Variants in KCNH7 observed in about 807,000 individuals in gnomAD.
KCNH7 encodes the protein potassium voltage-gated channel subfamily H member 7.
In KCNH7, 49 loss-of-function variants were observed where a neutral mutation model predicts 120.8. The observed-to-expected ratio is 0.41, with a 90% confidence interval of 0.32 to 0.51. The LOEUF is 0.51. Ranked by LOEUF, KCNH7 falls within the 20% of genes least tolerant of loss-of-function variation. KCNH7 has a pLI of 0.38. For synonymous variants in KCNH7, 547 were observed against 516.1 expected, an observed-to-expected ratio of 1.06 and a Z score of -0.81; for missense variants, 1,097 against 1,446.6, an observed-to-expected ratio of 0.76 and a Z score of 3.92.
chr2:162,749,750 C>G (rs1428579485), intron 2 of KCNH7, among the ~76,000 whole-genome samples: 1 of 151,946 alleles, frequency 6.6e-6, no homozygotes, highest in East Asian at 1.9e-4. Context: ...CAATACATCT[C>G]AAGGGCAAAT....
At chr2:162,627,470 G>T (rs1009374017) in intron 2 of KCNH7, among the ~76,000 whole-genome samples, 5 of 152,018 alleles carry the variant, frequency 3.3e-5, no homozygotes, top group Non-Finnish European at 2.9e-5. Flanking sequence ...AAACATTAGA[G>T]GTAACTGAAA....
intron 2 of KCNH7, among the ~76,000 whole-genome samples, chr2:162,761,934 C>G (rs1335509414): frequency 6.6e-6 from 1 of 152,046 alleles, no homozygotes; most frequent in African/African-American, 2.4e-5. Flanking sequence ...TAAGTCTCAA[C>G]TTTTTTCTCC....
chr2:162,466,316 G>T (rs1392801915), intron 6 of KCNH7, among the ~76,000 whole-genome samples: 1 of 152,166 alleles, frequency 6.6e-6, no homozygotes, highest in Non-Finnish European at 1.5e-5. Context: ...AAAAGAAGAG[G>T]TTTAATTCAC....
chr2:162,796,280 CTTGACAAGA>C, intron 2 of KCNH7: 1 of 152,046 alleles, frequency 6.6e-6, no homozygotes, highest in South Asian at 2.1e-4. Context: ...TCAAAGGTCT[CTTGACAAGA>C]TTGAATGTGA....
At chr2:162,416,401 C>A (rs1687543576) in intron 9 of KCNH7, among the ~76,000 whole-genome samples, 1 of 151,394 alleles carries the variant, frequency 6.6e-6, no homozygotes, top group Non-Finnish European at 1.5e-5. Context: ...AAGAATAGCT[C>A]ATAGACAAAA....
At chr2:162,442,962 A>G (rs1208382022) in intron 7 of KCNH7, among the ~76,000 whole-genome samples, 1 of 152,204 alleles carries the variant, frequency 6.6e-6, no homozygotes, top group Non-Finnish European at 1.5e-5. Flanking sequence ...TTATGCATTT[A>G]CTGTGTAGAA....
chr2:162,690,982 G>T (rs1330855642), intron 2 of KCNH7, among the ~76,000 whole-genome samples: 1 of 152,056 alleles, frequency 6.6e-6, no homozygotes, highest in Non-Finnish European at 1.5e-5. Flanking sequence ...ATAAAGATAG[G>T]GAGGAATTTG....
At chr2:162,418,927 C>G (rs753427145) in intron 9 of KCNH7, among the ~76,000 whole-genome samples, 4 of 151,808 alleles carry the variant, frequency 2.6e-5, no homozygotes, top group Non-Finnish European at 4.4e-5. Flanking sequence ...CAGCATCTCA[C>G]TATGATCCTA....
intron 2 of KCNH7, among the ~76,000 whole-genome samples, chr2:162,634,575 C>T (rs764099205): frequency 2.6e-5 from 4 of 152,062 alleles, no homozygotes; most frequent in Non-Finnish European, 4.4e-5. Context: ...CTCCTGCCAA[C>T]CTATCAGGTG....
At chr2:162,729,945 T>C (rs1267924882) in intron 2 of KCNH7, among the ~76,000 whole-genome samples, 1 of 152,058 alleles carries the variant, frequency 6.6e-6, no homozygotes, top group Non-Finnish European at 1.5e-5. Flanking sequence ...AAATCAAGTC[T>C]ATAAAATAAG....
intron 2 of KCNH7, among the ~76,000 whole-genome samples, chr2:162,645,932 C>T (rs1373221311): frequency 6.6e-6 from 1 of 152,142 alleles, no homozygotes; most frequent in African/African-American, 2.4e-5. Flanking sequence ...ACCCTTTTCC[C>T]TGTTGATAAG....
chr2:162,765,195 G>A (rs779396177), intron 2 of KCNH7, among the ~76,000 whole-genome samples: 1 of 152,106 alleles, frequency 6.6e-6, no homozygotes, highest in Middle Eastern at 3.2e-3. Flanking sequence ...TGATTGCAGG[G>A]TGCAGAAAAA....
At chr2:162,674,092 A>C (rs913831675) in intron 2 of KCNH7, among the ~76,000 whole-genome samples, 4 of 151,896 alleles carry the variant, frequency 2.6e-5, no homozygotes, top group African/African-American at 9.7e-5. Context: ...ATTGAAAAAG[A>C]AGAATTTGCA....
chr2:162,716,941 C>T lies in KCNH7; in HGVS notation c.307+119596G>A, dbSNP rs1434994. The stretch of plus-strand genomic sequence containing the variant: ...TGTCTTTAGGGAACATTTAATACTT[C>T]TGTGATTATAGAAAAAATCATTAAA... On this transcript the variant is annotated intron_variant, in intron 2 of 15. Coordinates refer to ENST00000332142, the MANE Select transcript of KCNH7 (RefSeq NM_033272.4). Among the ~76,000 whole-genome samples, 628 of 151,472 alleles carry T rather than the reference C, an allele frequency of 4.1e-3. 4 individuals carry two copies. Among genetic ancestry groups the T allele is most frequent in the African/African-American group, 0.014 (581 of 40,866 alleles).
chr2:162,750,663 G>C (rs983154676), intron 2 of KCNH7, among the ~76,000 whole-genome samples: 1 of 152,066 alleles, frequency 6.6e-6, no homozygotes. Context: ...AAGTTAAAGG[G>C]TAAGTTAATA....
intron 2 of KCNH7, among the ~76,000 whole-genome samples, chr2:162,814,113 G>C (rs1432881144): frequency 6.6e-6 from 1 of 152,088 alleles, no homozygotes; most frequent in South Asian, 2.1e-4. Flanking sequence ...CAAAATAAAG[G>C]CTGTTGAAAG....
At chr2:162,555,115 C>T (rs902240434) in intron 2 of KCNH7, among the ~76,000 whole-genome samples, 1 of 152,174 alleles carries the variant, frequency 6.6e-6, no homozygotes, top group Admixed American at 6.5e-5. Flanking sequence ...ATAGATATGT[C>T]CAGCTGGCTG....
chr2:162,700,216 C>G (rs1244281051), intron 2 of KCNH7, among the ~76,000 whole-genome samples: 1 of 152,104 alleles, frequency 6.6e-6, no homozygotes, highest in African/African-American at 2.4e-5. Context: ...GCACATAACC[C>G]CCCAGAGCCC....
At chr2:162,613,489 C>T (rs556009178) in intron 2 of KCNH7, among the ~76,000 whole-genome samples, 7 of 151,974 alleles carry the variant, frequency 4.6e-5, no homozygotes, top group East Asian at 1.9e-4. Context: ...AAATTATCCC[C>T]GAAGCCTGTT....
Sources: allele counts gnomAD v4.1 joint callset (sites outside exome capture counted in the v4.1 genomes callset), GRCh38; gene constraint gnomAD v4.1.1; transcripts MANE v1.5; gene names NCBI Gene and HGNC (gene_info 2026-07-23, HGNC 2026-07-21).